PTPRN2: variants seen among roughly 807,000 people sequenced by gnomAD.
PTPRN2 encodes receptor-type tyrosine-protein phosphatase N2.
Under a neutral mutation model 118.8 loss-of-function variants are expected in PTPRN2, and 74 were observed. The observed-to-expected ratio is 0.62, with a 90% CI of 0.52 to 0.76. The LOEUF (loss-of-function observed/expected upper bound fraction) is 0.76. Ranked by LOEUF, PTPRN2 falls within the 30% of genes least tolerant of loss-of-function variation. PTPRN2 has a pLI of 0.00. For missense variants in PTPRN2, 1,481 were observed against 1,394.4 expected (o/e 1.06, Z -0.99); for synonymous variants, 641 against 608.0 (o/e 1.05, Z -0.80).
intron 2 of PTPRN2, among the ~76,000 whole-genome samples, chr7:158,448,626 C>T (rs962865248): frequency 6.6e-6 from 1 of 152,222 alleles, no homozygotes; most frequent in South Asian, 2.1e-4. Context: ...GCTCCCACTC[C>T]TGGGCCAAGG....
At chr7:157,728,214 G>A (rs545776357) in intron 12 of PTPRN2, among the ~76,000 whole-genome samples, 11 of 152,346 alleles carry the variant, frequency 7.2e-5, no homozygotes, top group African/African-American at 9.6e-5. Context: ...TCTGCCGCGC[G>A]GTCTCCTCAC....
intron 6 of PTPRN2, among the ~76,000 whole-genome samples, chr7:158,166,176 A>T (rs1822950170): frequency 6.6e-6 from 1 of 152,108 alleles, no homozygotes; most frequent in African/African-American, 2.4e-5. Context: ...GTGAAATCAT[A>T]AAATCTGGGG....
rs371490871 is a variant in PTPRN2 at position 158,192,279 on chromosome 7, C to T, written c.549+48G>A. 1,314 of 1,426,874 alleles carry T rather than the reference C, an allele frequency of 9.2e-4. 1 individual carries two copies. The highest frequency in any genetic ancestry group is 1.2e-3 in the Admixed American group (39 of 31,782). The allele number at this position is 1,426,874 out of a possible 1,614,324, so 88.4% of individuals were successfully genotyped here. A position where few individuals can be genotyped will look rare whatever the true frequency, so the allele number is the denominator to read the frequency against. ...AGGAAACATGCCCAGGTACCTGCAC[C>T]CTGAAGGAAAAGCCAACCCCGGCCC... is the stretch of plus-strand genomic sequence containing the variant. On this transcript the variant is annotated intron_variant, in intron 5 of 22. Transcript: ENST00000389418.
intron 2 of PTPRN2, among the ~76,000 whole-genome samples, chr7:158,393,027 G>A (rs755269143): frequency 5.9e-5 from 9 of 152,174 alleles, no homozygotes; most frequent in Admixed American, 3.9e-4. Flanking sequence ...CACAGGCCCA[G>A]CTGCCCAGGC....
intron 11 of PTPRN2, among the ~76,000 whole-genome samples, chr7:157,970,910 C>T (rs1358635289): frequency 5.3e-5 from 8 of 152,220 alleles, no homozygotes; most frequent in African/African-American, 1.4e-4. Context: ...CCTGCACGCA[C>T]GAGGCACCAC....
intron 12 of PTPRN2, among the ~76,000 whole-genome samples, chr7:157,709,841 A>G (rs1489728956): frequency 6.6e-6 from 1 of 152,220 alleles, no homozygotes; most frequent in Non-Finnish European, 1.5e-5. Flanking sequence ...TCAAGGATGG[A>G]CAATGAAAGC....
chr7:157,957,567 AATT>A (rs1289550060), intron 11 of PTPRN2, among the ~76,000 whole-genome samples: 1 of 152,024 alleles, frequency 6.6e-6, no homozygotes, highest in African/African-American at 2.4e-5. Flanking sequence ...TACTATTAAT[AATT>A]ATTATTTGAT....
rs1434476698 is a variant in PTPRN2 at position 157,676,348 on chromosome 7, C to G, written c.2001+6377G>C. On this transcript the variant is annotated intron_variant, in intron 13 of 22. Coordinates refer to ENST00000389418, the MANE Select transcript of PTPRN2 (RefSeq NM_002847.5). The surrounding 1 kb of genome is among the most constrained non-coding windows in gnomAD (Gnocchi z 5.6). ...CTCCACCCACCACCTGGCCCAGCCC[C>G]TCCTCTGTCATCTCCAAGGATTTGA... is the stretch of plus-strand genomic sequence containing the variant. Among the ~76,000 whole-genome samples, 1 of 152,192 alleles carries G rather than the reference C, an allele frequency of 6.6e-6. No individual in the cohort carries two copies. Among genetic ancestry groups the G allele is most frequent in the African/African-American group, 2.4e-5 (1 of 41,444 alleles).
At chr7:158,193,388 G>C (rs1825934915) in intron 4 of PTPRN2, among the ~76,000 whole-genome samples, 1 of 152,214 alleles carries the variant, frequency 6.6e-6, no homozygotes, top group Non-Finnish European at 1.5e-5. Flanking sequence ...CCCATCACCA[G>C]CTTGTGCAGC....
intron 12 of PTPRN2, among the ~76,000 whole-genome samples, chr7:157,897,032 T>C (rs958651015): frequency 1.3e-5 from 2 of 151,738 alleles, no homozygotes; most frequent in South Asian, 2.1e-4. Flanking sequence ...GGCCTAAATA[T>C]TCCACAGTAC....
chr7:157,957,553 C>A (rs11769479), intron 11 of PTPRN2, among the ~76,000 whole-genome samples: 125,465 of 151,748 alleles, frequency 0.83, 52,451 homozygotes, highest in East Asian at 0.9. Flanking sequence ...TTTTATTTAT[C>A]TATTACTATT....
intron 11 of PTPRN2, among the ~76,000 whole-genome samples, chr7:157,901,277 G>C (rs911151144): frequency 6.6e-6 from 1 of 152,192 alleles, no homozygotes; most frequent in Admixed American, 6.5e-5. Context: ...CTCCCACCAG[G>C]CTGCACCTCC....
chr7:158,460,447 T>C (rs1321477384), intron 2 of PTPRN2, among the ~76,000 whole-genome samples: 1 of 149,394 alleles, frequency 6.7e-6, no homozygotes, highest in Non-Finnish European at 1.5e-5. Flanking sequence ...ATCTACAAGT[T>C]CCTGCTAGAG....
intron 2 of PTPRN2, among the ~76,000 whole-genome samples, chr7:158,449,298 C>T (rs1817936436): frequency 6.6e-6 from 1 of 152,198 alleles, no homozygotes; most frequent in Non-Finnish European, 1.5e-5. Context: ...CCAGAGGAAG[C>T]AAGGGCTGGC....
chr7:158,078,660 G>A (rs1018496837), intron 11 of PTPRN2, among the ~76,000 whole-genome samples: 3 of 151,906 alleles, frequency 2.0e-5, no homozygotes, highest in African/African-American at 2.4e-5. Flanking sequence ...GCGCTCTCCC[G>A]AGGCTGATGG....
intron 2 of PTPRN2, among the ~76,000 whole-genome samples, chr7:158,379,901 G>C (rs966425354): frequency 5.3e-5 from 8 of 152,182 alleles, no homozygotes; most frequent in East Asian, 3.8e-4. Flanking sequence ...GAGGAGCAAA[G>C]TCACATCTCA....
chr7:157,682,579 A>G, intron 13 of PTPRN2, 146 bp downstream of exon 13: 1 of 789,424 alleles, frequency 1.3e-6, no homozygotes, highest in Non-Finnish European at 2.1e-6. Context: ...TGCTGATGAG[A>G]AGTTCCAAAC....
At chr7:158,203,019 G>A (rs958052764) in intron 4 of PTPRN2, among the ~76,000 whole-genome samples, 1 of 151,966 alleles carries the variant, frequency 6.6e-6, no homozygotes, top group South Asian at 2.1e-4. Context: ...GGATCATGAG[G>A]TCAGGAGTTC....
At chr7:157,822,538 T>A (rs553073794) in intron 12 of PTPRN2, among the ~76,000 whole-genome samples, 1 of 151,928 alleles carries the variant, frequency 6.6e-6, no homozygotes, top group Admixed American at 6.6e-5. Flanking sequence ...AATACACTTA[T>A]CCATCCATCC....
Sources: gnomAD v4.1 joint callset for allele counts (sites outside exome capture counted in the v4.1 genomes callset) on GRCh38, gnomAD v4.1.1 for gene constraint, Gnocchi (gnomAD v3.1) non-coding constraint, MANE v1.5 for transcripts, NCBI Gene and HGNC (gene_info 2026-07-23, HGNC 2026-07-21) for gene names.